The following HMX1 variants were observed in gnomAD, a reference collection of about 807,000 sequenced individuals.
HMX1 encodes H6 family homeobox 1, also known as homeobox protein HMX1.
In HMX1, 8 loss-of-function variants were observed where a neutral mutation model predicts 8.9. That is an observed-to-expected ratio of 0.90 (90% CI 0.53 to 1.63). The LOEUF is 1.63. Among genes scored for constraint, HMX1 ranks in the 40% most tolerant of loss-of-function variants. The probability of loss-of-function intolerance (pLI) is 0.00; values close to 1 mark genes in which losing one functional copy is unlikely to be tolerated. For missense variants in HMX1, 621 were observed against 558.5 expected, an observed-to-expected ratio of 1.11 and a Z score of -1.13; for synonymous variants, 311 against 283.4, an observed-to-expected ratio of 1.10 and a Z score of -0.98.
In HMX1 at chr4:8,867,455, GC is replaced by G; in HGVS notation, c.*237del. On this transcript the variant is annotated 3_prime_UTR_variant, in exon 2 of 2. Coordinates refer to ENST00000400677, the MANE Select transcript of HMX1 (RefSeq NM_018942.3). ...CTGCGCAGCCCAGAGTCTCTGCATG[GC>G]CCCCTGTTCGAGTGGGGATCCAGCC... 8.8e-7 allele frequency: 1 copy of G among 1,130,168 alleles called. No homozygotes were observed. Among genetic ancestry groups the G allele is most frequent in the Non-Finnish European group, 1.1e-6 (1 of 923,812 alleles). 70.0% of individuals were successfully genotyped at this position (1,130,168 alleles called of 1,614,324 possible). A position where few individuals can be genotyped will look rare whatever the true frequency, so the allele number is the denominator to read the frequency against.
In HMX1 at chr4:8,871,598, G is replaced by T; in HGVS notation, c.17C>A (p.Thr6Lys). ...GGCCGGCGTGGCGCGCCCGGGCTCC[G>T]TCAGCTCGTCAGGCATCGCGGCCGC... MPDEL[T>K]EPGRATPARA... The change falls in exon 1 of 2, where the codon ACG becomes AAG. Residue 6 changes from threonine to lysine, a missense_variant. Coordinates refer to ENST00000400677, the MANE Select transcript of HMX1 (RefSeq NM_018942.3). This position sits in a 1 kb window ranked among gnomAD's most constrained non-coding sequence, Gnocchi z 4.8. The T allele has an allele frequency of 7.6e-7, 1 of 1,321,634 alleles. No individual in the cohort carries two copies. Among genetic ancestry groups the T allele is most frequent in the Non-Finnish European group, 9.7e-7 (1 of 1,034,400 alleles). 81.9% of individuals were successfully genotyped at this position (1,321,634 alleles called of 1,614,324 possible).
chr4:8,854,201 C>T (rs1196827242), intron 1 of HMX1, among the ~76,000 whole-genome samples: 1 of 152,184 alleles, frequency 6.6e-6, no homozygotes, highest in African/African-American at 2.4e-5. Context: ...GATCCTGCTA[C>T]ACCTCCAGGG....
chr4:8,865,815 A>C (rs147425211), downstream of HMX1, among the ~76,000 whole-genome samples: 635 of 152,268 alleles, frequency 4.2e-3, 2 homozygotes, highest in Middle Eastern at 6.8e-3. Flanking sequence ...CCGAGTGAGA[A>C]CGGACTTCCT....
At position 8,861,771 on chromosome 4, in the gene HMX1, G is replaced by A. The variant is rs544076810; in HGVS notation, c.394+9450C>T. Among the ~76,000 whole-genome samples the A allele has an allele frequency of 5.9e-5, 9 of 152,384 alleles. No homozygotes were observed. In the South Asian group the frequency reaches 6.2e-4, roughly 11 times the overall value. On this transcript the variant is annotated intron_variant, in intron 1 of 1. Coordinates refer to the HMX1 transcript ENST00000506970. Reference sequence around the variant, plus strand: ...TCTGTCTGGACCCTCAGAGCCCCGGGATCAAGGCGCCCATCCTCTTGATGG... The same window carrying A: ...TCTGTCTGGACCCTCAGAGCCCCGGAATCAAGGCGCCCATCCTCTTGATGG...
rs573772906 is a variant in HMX1 at position 8,869,689 on chromosome 4, A to G, written c.395-1344T>C. On this transcript the variant is annotated intron_variant, in intron 1 of 1. Transcript: ENST00000400677. ...GCAGCAGGTTGTGGTGCATGCTACT[A>G]GATCTGGGGAGTCCCTGCCTCCCCC... 1.9e-3 allele frequency among the ~76,000 whole-genome samples: 290 copies of G among 151,794 alleles called. 1 individual carries two copies. The highest frequency in any genetic ancestry group is 3.3e-3 in the Non-Finnish European group (227 of 68,006).
chr4:8,862,801 CGTTTGCTCCCCAGGCGGTGAGG>C (rs1323019045), downstream of HMX1, among the ~76,000 whole-genome samples: 2 of 152,126 alleles, frequency 1.3e-5, no homozygotes, highest in Non-Finnish European at 2.9e-5. Context: ...TGGCGAGGGC[CGTTTGCTCCCCAGGCGGTGAGG>C]CTGGCTCTTC....
chr4:8,852,345 G>T (rs1187305736), intron 1 of HMX1, among the ~76,000 whole-genome samples: 1 of 152,244 alleles, frequency 6.6e-6, no homozygotes, highest in Non-Finnish European at 1.5e-5. Context: ...ACTGCACTTT[G>T]TCACGGAGCA....
downstream of HMX1, among the ~76,000 whole-genome samples, chr4:8,865,515 G>A (rs554460467): frequency 1.3e-5 from 2 of 152,012 alleles, no homozygotes; most frequent in South Asian, 2.1e-4. Context: ...GTCGCCGGCT[G>A]TGCCCTGGCC....
At position 8,870,595 on chromosome 4, in the gene HMX1, A is replaced by G. The variant is rs749409292; in HGVS notation, c.394+626T>C. ...GCCCCAGGCTGTCTGCAGCGGGCAC[A>G]GAGGAAACAGGACTCTGGGGGGGCA... On this transcript the variant is annotated intron_variant, in intron 1 of 1. Transcript: ENST00000400677. This position sits in a 1 kb window ranked among gnomAD's most constrained non-coding sequence, Gnocchi z 4.4. Among the ~76,000 whole-genome samples, 79 of 152,272 alleles carry G rather than the reference A, an allele frequency of 5.2e-4. No homozygotes were observed. Among genetic ancestry groups the G allele is most frequent in the Non-Finnish European group, 1.1e-3 (73 of 68,004 alleles).
Position 8,871,815 on chromosome 4 carries a change from C to CGA in HMX1, c.-202_-201insTC, listed in dbSNP as rs1252042962. The CGA allele has an allele frequency of 5.1e-6, 3 of 593,716 alleles. No individual in the cohort carries two copies. The highest frequency in any genetic ancestry group is 2.1e-5 in the African/African-American group (1 of 47,056). The allele number at this position is 593,716 out of a possible 1,614,324, so 36.8% of individuals were successfully genotyped here. A position where few individuals can be genotyped will look rare whatever the true frequency, so the allele number is the denominator to read the frequency against. On this transcript the variant is annotated 5_prime_UTR_variant, in exon 1 of 2. Transcript: ENST00000400677. The surrounding 1 kb of genome is among the most constrained non-coding windows in gnomAD (Gnocchi z 4.8). Reference sequence around the variant, plus strand: ...GAGCGAGTGCGCGCCGACAGCTGATCGGGCAGCCGCCTGGCTCGCCTTTCA... The same window carrying CGA: ...GAGCGAGTGCGCGCCGACAGCTGATCGAGGGCAGCCGCCTGGCTCGCCTTTCA...
downstream of HMX1, among the ~76,000 whole-genome samples, chr4:8,865,082 G>C (rs1721952511): frequency 6.6e-6 from 1 of 152,160 alleles, no homozygotes; most frequent in African/African-American, 2.4e-5. Context: ...CAGCTTCCTG[G>C]TGGCCCGGAG....
intron 1 of HMX1, among the ~76,000 whole-genome samples, chr4:8,857,410 G>A (rs1342290919): frequency 6.6e-6 from 1 of 152,188 alleles, no homozygotes; most frequent in Admixed American, 6.5e-5. Flanking sequence ...GGGGTCTGGG[G>A]CAGCCTCCGC....
chr4:8,866,880 G>A (rs535088088), downstream of HMX1, among the ~76,000 whole-genome samples: 15 of 152,228 alleles, frequency 9.9e-5, no homozygotes, highest in African/African-American at 3.4e-4. Context: ...ATAGAAGAGG[G>A]GCACAGCGCT....
chr4:8,863,013 C>T (rs1241101900), downstream of HMX1, among the ~76,000 whole-genome samples: 1 of 151,198 alleles, frequency 6.6e-6, no homozygotes, highest in Non-Finnish European at 1.5e-5. Flanking sequence ...ACCTGGGGAT[C>T]GGCGAGTCCA....
At chr4:8,852,583 C>T (rs1413348272) in intron 1 of HMX1, among the ~76,000 whole-genome samples, 2 of 152,198 alleles carry the variant, frequency 1.3e-5, no homozygotes, top group Admixed American at 6.5e-5. Context: ...ACGCATCCCA[C>T]CCCTGTGTCT....
In HMX1 at chr4:8,871,453, G is replaced by T; in HGVS notation, c.162C>A (p.Asp54Glu). ...DEEEDDDDPE[D>E]EDAEQARRRR... is the part of the protein sequence containing the mutation. ...GCCGCCGCGCCTGCTCGGCGTCCTC[G>T]TCTTCGGGGTCGTCGTCGTCCTCCT... Residue 54 changes from aspartate (D) to glutamate (E), a missense_variant, in exon 1 of 2, where the codon GAC becomes GAA. By Grantham distance (45) the Asp-to-Glu change is conservative. Transcript: ENST00000400677. This position sits in a 1 kb window ranked among gnomAD's most constrained non-coding sequence, Gnocchi z 4.8. The T allele has an allele frequency of 7.5e-7, 1 of 1,336,626 alleles. No individual in the cohort carries two copies. Among genetic ancestry groups the T allele is most frequent in the South Asian group, 1.6e-5 (1 of 64,388 alleles). The allele number at this position is 1,336,626 out of a possible 1,614,324, so 82.8% of individuals were successfully genotyped here.
At chr4:8,856,419 C>G (rs1398483959) in intron 1 of HMX1, among the ~76,000 whole-genome samples, 3 of 151,974 alleles carry the variant, frequency 2.0e-5, no homozygotes, top group African/African-American at 4.8e-5. Flanking sequence ...AAGTGGAGGA[C>G]ATTTTAAGTT....
intron 1 of HMX1, among the ~76,000 whole-genome samples, chr4:8,869,521 C>G (rs1156341258): frequency 6.6e-6 from 1 of 152,246 alleles, no homozygotes; most frequent in East Asian, 1.9e-4. Flanking sequence ...CATTTGCACG[C>G]TCATGCAAGG....
At chr4:8,863,190 G>A (rs1481284434), downstream of HMX1, among the ~76,000 whole-genome samples, 1 of 152,204 alleles carries the variant, frequency 6.6e-6, no homozygotes, top group African/African-American at 2.4e-5. Flanking sequence ...GGAGTAGCCC[G>A]CTGGCCTCCC....
Sources: gnomAD v4.1 joint callset for allele counts (sites outside exome capture counted in the v4.1 genomes callset) on GRCh38, gnomAD v4.1.1 for gene constraint, Gnocchi (gnomAD v3.1) non-coding constraint, MANE v1.5 for transcripts, NCBI Gene and HGNC (gene_info 2026-07-23, HGNC 2026-07-21) for gene names.